EZH2: variants seen among roughly 807,000 people sequenced by gnomAD.
EZH2 encodes histone-lysine N-methyltransferase EZH2.
A neutral mutation model predicts 98.4 loss-of-function variants in EZH2; 18 were observed. That is an observed-to-expected ratio of 0.18 (90% CI 0.13 to 0.27). The LOEUF (loss-of-function observed/expected upper bound fraction) is 0.27. EZH2 is among the 10% of genes least tolerant of loss of function. The probability of loss-of-function intolerance (pLI) is 1.00; values close to 1 mark genes in which losing one functional copy is unlikely to be tolerated. For missense variants in EZH2, 470 were observed against 935.1 expected, an observed-to-expected ratio of 0.50 and a Z score of 6.49; for synonymous variants, 338 against 312.3, an observed-to-expected ratio of 1.08 and a Z score of -0.87.
chr7:148,839,111 G>A (rs1438706836), intron 3 of EZH2, among the ~76,000 whole-genome samples: 1 of 83,046 alleles, frequency 1.2e-5, no homozygotes, highest in African/African-American at 4.9e-5. Flanking sequence ...GAAGGAAAGT[G>A]AGTGAGCAAG....
At chr7:148,868,568 G>A (rs1429859546) in intron 1 of EZH2, among the ~76,000 whole-genome samples, 1 of 152,102 alleles carries the variant, frequency 6.6e-6, no homozygotes, top group Non-Finnish European at 1.5e-5. Flanking sequence ...ATTACAATTT[G>A]ACGCGTGATT....
At chr7:148,820,987 A>C (rs1482761451) in intron 8 of EZH2, 3 of 152,188 alleles carry the variant, frequency 2.0e-5, no homozygotes, top group Non-Finnish European at 4.4e-5. Flanking sequence ...CTGTACTGAA[A>C]CTACAAGCTA....
intron 8 of EZH2, among the ~76,000 whole-genome samples, chr7:148,824,044 G>A (rs532807827): frequency 2.6e-5 from 4 of 152,252 alleles, no homozygotes; most frequent in African/African-American, 9.6e-5. Context: ...ACCAGGCGTG[G>A]TAGCTCACAC....
intron 1 of EZH2, among the ~76,000 whole-genome samples, chr7:148,863,520 T>G (rs921879363): frequency 6.6e-6 from 1 of 152,154 alleles, no homozygotes; most frequent in African/African-American, 2.4e-5. Context: ...GTAGTTACAG[T>G]CACCCTTCTG....
chr7:148,809,617 C>G (rs1444181625), intron 17 of EZH2, among the ~76,000 whole-genome samples: 2 of 150,176 alleles, frequency 1.3e-5, no homozygotes, highest in South Asian at 2.1e-4. Context: ...GACTCAAAAG[C>G]TATTAATTAT....
At chr7:148,838,074 T>C (rs1585088513) in intron 3 of EZH2, among the ~76,000 whole-genome samples, 1 of 148,396 alleles carries the variant, frequency 6.7e-6, no homozygotes, top group Admixed American at 6.7e-5. Context: ...TTTTTTTTTT[T>C]TTTTTTTTTT....
At chr7:148,861,979 G>C (rs10952783) in intron 1 of EZH2, among the ~76,000 whole-genome samples, 69,886 of 151,874 alleles carry the variant, frequency 0.46, 16,178 homozygotes, top group Non-Finnish European at 0.48. Context: ...ACTTAGCTTA[G>C]AAAAGGGAGA....
At chr7:148,873,557 A>ATT (rs58553084) in intron 1 of EZH2, among the ~76,000 whole-genome samples, 1,440 of 79,928 alleles carry the variant, frequency 0.018, 94 homozygotes, top group African/African-American at 0.056. Flanking sequence ...CATGCTCTTC[A>ATT]TTTTTTTTTT....
At chr7:148,852,859 TAC>T (rs1277046505) in intron 1 of EZH2, among the ~76,000 whole-genome samples, 3 of 152,156 alleles carry the variant, frequency 2.0e-5, no homozygotes, top group African/African-American at 7.2e-5. Context: ...AGACCATATA[TAC>T]AGTTGTTCCT....
At chr7:148,819,711 ATC>A in intron 8 of EZH2, 24 bp from the exon 9 acceptor site, 1 of 1,593,398 alleles carries the variant, frequency 6.3e-7, no homozygotes. Flanking sequence ...GAAACAAAGA[ATC>A]TAATATAACT....
chr7:148,842,919 A>G (rs1293448308), intron 3 of EZH2, among the ~76,000 whole-genome samples: 1 of 151,776 alleles, frequency 6.6e-6, no homozygotes, highest in Non-Finnish European at 1.5e-5. Flanking sequence ...ATACAAAAAA[A>G]TTAGCCCGAT....
intron 1 of EZH2, among the ~76,000 whole-genome samples, chr7:148,882,969 A>T (rs1199776733): frequency 6.6e-6 from 1 of 152,200 alleles, no homozygotes; most frequent in Admixed American, 6.5e-5. Flanking sequence ...ATTAATAAGA[A>T]ACTGCTAACC....
At chr7:148,871,657 C>G (rs2129492035) in intron 1 of EZH2, among the ~76,000 whole-genome samples, 1 of 151,740 alleles carries the variant, frequency 6.6e-6, no homozygotes, top group South Asian at 2.1e-4. Flanking sequence ...TCACTGCAGC[C>G]TCGACCTCCC....
chr7:148,882,599 T>C (rs1821169110), intron 1 of EZH2, among the ~76,000 whole-genome samples: 1 of 152,222 alleles, frequency 6.6e-6, no homozygotes, highest in African/African-American at 2.4e-5. Context: ...AAACATGAAT[T>C]AGTTGCTAAT....
intron 16 of EZH2, 45 bp from the exon 17 acceptor site, chr7:148,810,459 T>G (rs1305716750): frequency 3.6e-6 from 5 of 1,381,482 alleles, no homozygotes; most frequent in Non-Finnish European, 3.1e-6. Flanking sequence ...ATAAAGGTGA[T>G]CAAGCCTGAC....
intron 1 of EZH2, among the ~76,000 whole-genome samples, chr7:148,848,109 C>A (rs1286692019): frequency 6.6e-6 from 1 of 152,186 alleles, no homozygotes; most frequent in Non-Finnish European, 1.5e-5. Context: ...GTATTAAAAT[C>A]ATCCTGTACC....
At chr7:148,847,849 T>C (rs1428471436) in intron 1 of EZH2, among the ~76,000 whole-genome samples, 1 of 152,230 alleles carries the variant, frequency 6.6e-6, no homozygotes, top group Non-Finnish European at 1.5e-5. Context: ...CCTTAAACAC[T>C]GTGATAAAGT....
chr7:148,852,226 T>C (rs983454143), intron 1 of EZH2, among the ~76,000 whole-genome samples: 3 of 152,244 alleles, frequency 2.0e-5, no homozygotes, highest in Admixed American at 6.5e-5. Flanking sequence ...TACATTTACA[T>C]AGGTTAACTA....
chr7:148,850,578 AAAC>A (rs2129486285), intron 1 of EZH2: 1 of 241,304 alleles, frequency 4.1e-6, no homozygotes, highest in South Asian at 1.5e-4. Context: ...GTTTTACACA[AAAC>A]AAACTCCCAC....
Sources: allele counts gnomAD v4.1 joint callset (sites outside exome capture counted in the v4.1 genomes callset), GRCh38; gene constraint gnomAD v4.1.1; transcripts MANE v1.5; gene names NCBI Gene and HGNC (gene_info 2026-07-23, HGNC 2026-07-21).